Variants in NPAS3 observed in about 807,000 individuals in gnomAD.
NPAS3 encodes the protein neuronal PAS domain protein 3, also known as neuronal PAS domain-containing protein 3.
A neutral mutation model predicts 73.1 loss-of-function variants in NPAS3; 14 were observed. The ratio of observed to expected loss-of-function variants is 0.19; its 90% CI spans 0.13 to 0.30. The LOEUF is 0.30. Ranked by LOEUF, NPAS3 falls within the 10% of genes least tolerant of loss-of-function variation. The pLI, the probability that NPAS3 is intolerant of heterozygous loss-of-function variation, is 1.00. For missense variants in NPAS3, 1,096 were observed against 1,250.0 expected (o/e 0.88, Z 1.86); for synonymous variants, 620 against 541.5 (o/e 1.14, Z -2.01).
intron 6 of NPAS3, among the ~76,000 whole-genome samples, chr14:33,693,820 T>G (rs2060299244): frequency 6.6e-6 from 1 of 152,214 alleles, no homozygotes; most frequent in Non-Finnish European, 1.5e-5. Context: ...TCAAAGTGAA[T>G]AACAAACAGG....
At chr14:33,695,181 G>A (rs1199419571) in intron 6 of NPAS3, among the ~76,000 whole-genome samples, 2 of 152,162 alleles carry the variant, frequency 1.3e-5, no homozygotes, top group Admixed American at 1.3e-4. Flanking sequence ...CCTTGAGGGA[G>A]CTTCCATAAT....
chr14:33,038,540 C>CAT (rs10694585), intron 1 of NPAS3, among the ~76,000 whole-genome samples: 19,947 of 144,740 alleles, frequency 0.14, 1,372 homozygotes, highest in African/African-American at 0.16. Context: ...CATATATACA[C>CAT]ATATATATAT....
chr14:33,444,677 G>A (rs372943708), intron 4 of NPAS3, among the ~76,000 whole-genome samples: 1 of 152,208 alleles, frequency 6.6e-6, no homozygotes. Flanking sequence ...TAGTGTTCAC[G>A]ATTCCTCCAA....
At chr14:33,662,180 C>A (rs139453624) in intron 5 of NPAS3, among the ~76,000 whole-genome samples, 2 of 152,280 alleles carry the variant, frequency 1.3e-5, no homozygotes, top group Non-Finnish European at 2.9e-5. Flanking sequence ...CATATCTAGA[C>A]GGCATGGAAA....
chr14:33,465,301 G>A lies in NPAS3; in HGVS notation c.469-94820G>A, dbSNP rs191832004. 1.6e-4 allele frequency among the ~76,000 whole-genome samples: 24 copies of A among 152,212 alleles called. No individual in the cohort carries two copies. In the East Asian group the frequency reaches 3.5e-3, roughly 22 times the overall value. On this transcript the variant is annotated intron_variant, in intron 4 of 11. Coordinates refer to ENST00000356141, the Ensembl canonical transcript of NPAS3. ...CCATACATTAAAGTATTTTAAACAC[G>A]TAATTTTATTAAGAAGTTATATGGT...
At chr14:33,637,404 C>G (rs2058551593) in intron 5 of NPAS3, among the ~76,000 whole-genome samples, 1 of 152,160 alleles carries the variant, frequency 6.6e-6, no homozygotes, top group Admixed American at 6.5e-5. Context: ...CCTATCACAT[C>G]ATTAGAGTCC....
intron 6 of NPAS3, among the ~76,000 whole-genome samples, chr14:33,684,713 G>A (rs1217527840): frequency 6.6e-6 from 1 of 152,196 alleles, no homozygotes; most frequent in Non-Finnish European, 1.5e-5. Flanking sequence ...ATCAGCCATA[G>A]GCCTCCCCAG....
At chr14:33,522,326 T>C (rs2053592625) in intron 4 of NPAS3, among the ~76,000 whole-genome samples, 1 of 152,140 alleles carries the variant, frequency 6.6e-6, no homozygotes, top group African/African-American at 2.4e-5. Context: ...TTTTAAAAAC[T>C]TCTTCTCCTT....
chr14:33,237,960 A>G (rs530231401), intron 3 of NPAS3, among the ~76,000 whole-genome samples: 2 of 152,012 alleles, frequency 1.3e-5, no homozygotes, highest in South Asian at 2.1e-4. Context: ...AAATGTATAC[A>G]TTTCCGCTTT....
chr14:33,530,147 G>C (rs1426823302), intron 4 of NPAS3, among the ~76,000 whole-genome samples: 1 of 152,008 alleles, frequency 6.6e-6, no homozygotes, highest in African/African-American at 2.4e-5. Context: ...CCATCATTTT[G>C]CTCTTTAGTG....
chr14:33,120,086 G>T (rs529687054), intron 2 of NPAS3, among the ~76,000 whole-genome samples: 6 of 151,676 alleles, frequency 4.0e-5, no homozygotes, highest in African/African-American at 7.3e-5. Flanking sequence ...TCAGCCTCCC[G>T]ACTAGCTGGG....
chr14:33,307,680 A>G (rs576459224), intron 3 of NPAS3, among the ~76,000 whole-genome samples: 1 of 151,662 alleles, frequency 6.6e-6, no homozygotes, highest in Admixed American at 6.6e-5. Context: ...CCATTCCAAC[A>G]ATCTGTTACA....
chr14:33,022,619 C>G (rs958447439), intron 1 of NPAS3, among the ~76,000 whole-genome samples: 1 of 141,578 alleles, frequency 7.1e-6, no homozygotes, highest in Non-Finnish European at 1.5e-5. Context: ...GAGCCGAGAT[C>G]GCGCCACCGC....
chr14:33,373,061 C>T (rs1267172914), intron 4 of NPAS3, among the ~76,000 whole-genome samples: 1 of 152,028 alleles, frequency 6.6e-6, no homozygotes, highest in Non-Finnish European at 1.5e-5. Flanking sequence ...TTGAAGTTAA[C>T]AAAACACAAA....
chr14:33,404,989 AGG>A (rs989927009), intron 4 of NPAS3, among the ~76,000 whole-genome samples: 10 of 151,964 alleles, frequency 6.6e-5, no homozygotes, highest in Admixed American at 3.9e-4. Flanking sequence ...ATCTTTCCTT[AGG>A]GCCTGTTTAC....
intron 3 of NPAS3, among the ~76,000 whole-genome samples, chr14:33,260,133 C>T (rs1207725307): frequency 6.6e-6 from 1 of 152,134 alleles, no homozygotes; most frequent in Non-Finnish European, 1.5e-5. Context: ...CTGACTTTCA[C>T]GTTTCTTTAT....
chr14:33,589,301 A>G (rs1325423459), intron 5 of NPAS3, among the ~76,000 whole-genome samples: 2 of 152,204 alleles, frequency 1.3e-5, no homozygotes, highest in African/African-American at 4.8e-5. Context: ...AGGGGATTAA[A>G]TTCTATTTGT....
At chr14:32,963,836 G>A (rs1046135845) in intron 1 of NPAS3, among the ~76,000 whole-genome samples, 25 of 151,978 alleles carry the variant, frequency 1.6e-4, no homozygotes, top group Admixed American at 1.3e-3. Context: ...TAATTGCATG[G>A]CATGAATGAT....
intron 4 of NPAS3, among the ~76,000 whole-genome samples, chr14:33,414,256 C>A (rs190389170): frequency 5.4e-4 from 82 of 152,280 alleles, no homozygotes; most frequent in African/African-American, 1.9e-3. Flanking sequence ...CTCCTCCCCC[C>A]ACTGTGAGTC....
Sources: gnomAD v4.1 joint callset for allele counts (sites outside exome capture counted in the v4.1 genomes callset) on GRCh38, gnomAD v4.1.1 for gene constraint, MANE v1.5 for transcripts, NCBI Gene and HGNC (gene_info 2026-07-23, HGNC 2026-07-21) for gene names.